Variants in PDE4D observed in about 807,000 individuals in gnomAD.
PDE4D encodes phosphodiesterase 4D.
In PDE4D, 24 loss-of-function variants were observed where a neutral mutation model predicts 87.4. The ratio of observed to expected loss-of-function variants is 0.27; its 90% CI spans 0.20 to 0.39. The LOEUF is 0.39. PDE4D is among the 10% of genes least tolerant of loss of function. The probability of loss-of-function intolerance (pLI) is 1.00; values close to 1 mark genes in which losing one functional copy is unlikely to be tolerated. For missense variants in PDE4D, 714 were observed against 1,041.0 expected, an observed-to-expected ratio of 0.69 and a Z score of 4.32; for synonymous variants, 384 against 383.2, an observed-to-expected ratio of 1.00 and a Z score of -0.02.
Position 59,545,559 on chromosome 5 carries a change from GA to G in PDE4D, c.456-329592del, listed in dbSNP as rs201274235. On this transcript the variant is annotated intron_variant, in intron 1 of 14. Coordinates refer to ENST00000340635, the MANE Select transcript of PDE4D (RefSeq NM_001104631.2). Reference sequence around the variant, plus strand: ...TGGATAAAAGTCAGCTTCAACAGAAGAAAAAAGAGTTTGTATTAAATATGAA... The same window carrying G: ...TGGATAAAAGTCAGCTTCAACAGAAGAAAAAGAGTTTGTATTAAATATGAA... Among the ~76,000 whole-genome samples, 66 of 152,142 alleles carry G rather than the reference GA, an allele frequency of 4.3e-4. 1 individual carries two copies. In the East Asian group the frequency reaches 0.012, roughly 28 times the overall value.
At chr5:59,381,437 ATT>A (rs1221843600) in intron 1 of PDE4D, among the ~76,000 whole-genome samples, 1 of 151,942 alleles carries the variant, frequency 6.6e-6, no homozygotes, top group East Asian at 1.9e-4. Flanking sequence ...ATTCCTCTTT[ATT>A]TTTATATAAT....
rs1790272935 is a variant in PDE4D, at chr5:59,399,988, A to G, written c.456-184020T>C. ...CCAAAAAACACATGAAAAAATGCTC[A>G]CCATCACTGGCCATCAGAGAAACGC... On this transcript the variant is annotated intron_variant, in intron 1 of 14. Transcript: ENST00000340635. 1.7e-5 allele frequency among the ~76,000 whole-genome samples: 2 copies of G among 116,904 alleles called. 1 individual carries two copies. The highest frequency in any genetic ancestry group is 6.0e-4 in the South Asian group (2 of 3,324). The allele number at this position is 116,904 out of a possible 152,430, so 76.7% of individuals were successfully genotyped here.
chr5:58,999,354 C>A, intron 6 of PDE4D: 2 of 358,118 alleles, frequency 5.6e-6, no homozygotes, highest in Non-Finnish European at 9.9e-6. Context: ...CCACTATTAA[C>A]ACGTATTTCT....
At chr5:59,720,243 C>T (rs963994540) in intron 1 of PDE4D, among the ~76,000 whole-genome samples, 1 of 152,044 alleles carries the variant, frequency 6.6e-6, no homozygotes, top group Non-Finnish European at 1.5e-5. Flanking sequence ...CCCGCTGCAG[C>T]CTTAAAATGC....
intron 1 of PDE4D, among the ~76,000 whole-genome samples, chr5:59,603,075 A>G (rs1167581082): frequency 6.6e-6 from 1 of 151,818 alleles, no homozygotes; most frequent in East Asian, 1.9e-4. Context: ...ATAGGGGAAA[A>G]GCTATATGAC....
chr5:59,413,911 T>G (rs1439340632), intron 1 of PDE4D, among the ~76,000 whole-genome samples: 1 of 152,212 alleles, frequency 6.6e-6, no homozygotes, highest in African/African-American at 2.4e-5. Flanking sequence ...CAAATACATG[T>G]GCACACACAC....
intron 3 of PDE4D, among the ~76,000 whole-genome samples, chr5:59,935,567 C>G (rs1330961543): frequency 6.6e-6 from 1 of 152,006 alleles, no homozygotes; most frequent in African/African-American, 2.4e-5. Context: ...AATTTATTTT[C>G]CCTTTGTATT....
At chr5:59,240,878 T>A (rs528164817) in intron 1 of PDE4D, among the ~76,000 whole-genome samples, 1 of 152,136 alleles carries the variant, frequency 6.6e-6, no homozygotes, top group African/African-American at 2.4e-5. Flanking sequence ...TGGAGTTAGA[T>A]AACCTGGCCT....
chr5:59,494,645 A>G (rs1806821621), intron 1 of PDE4D, among the ~76,000 whole-genome samples: 1 of 152,218 alleles, frequency 6.6e-6, no homozygotes, highest in South Asian at 2.1e-4. Flanking sequence ...AAGAAATGTT[A>G]CTAAGGTTGC....
intron 3 of PDE4D, 88 bp from the exon 4 acceptor site, chr5:59,185,350 T>C (rs1359273828): frequency 1.1e-6 from 1 of 903,750 alleles, no homozygotes; most frequent in Admixed American, 2.4e-5. Flanking sequence ...AAACTTGATA[T>C]TGCTTGCAAC....
At chr5:60,019,301 G>A (rs1765810769) in intron 2 of PDE4D, among the ~76,000 whole-genome samples, 1 of 152,162 alleles carries the variant, frequency 6.6e-6, no homozygotes, top group African/African-American at 2.4e-5. Context: ...ATTCTTAAGA[G>A]CCCTAGGATT....
At chr5:59,120,636 TA>T (rs1774331450) in intron 5 of PDE4D, among the ~76,000 whole-genome samples, 1 of 151,876 alleles carries the variant, frequency 6.6e-6, no homozygotes, top group Non-Finnish European at 1.5e-5. Context: ...ATGCAATCCC[TA>T]TCAAAACCAA....
At chr5:60,288,431 C>T (rs1274846389) in intron 1 of PDE4D, among the ~76,000 whole-genome samples, 2 of 152,160 alleles carry the variant, frequency 1.3e-5, no homozygotes, top group Non-Finnish European at 2.9e-5. Context: ...AGTTTGACAT[C>T]TTTTCATTTG....
In PDE4D at chr5:58,976,485, A is replaced by C. The variant is rs1215677831; in HGVS notation, c.1708-13T>G. ...CTGTTGCAAGTACCTTAAAATATAG[A>C]GTATATTATTAAGTTCAGAGAAAAC... is the stretch of plus-strand genomic sequence containing the variant. On this transcript the variant is annotated splice_polypyrimidine_tract_variant and intron_variant, in intron 12 of 14. Coordinates refer to ENST00000340635, the MANE Select transcript of PDE4D (RefSeq NM_001104631.2). 2 of 1,531,100 alleles carry C rather than the reference A, an allele frequency of 1.3e-6. No homozygotes were observed. The highest frequency in any genetic ancestry group is 1.8e-6 in the Non-Finnish European group (2 of 1,127,820). The allele number at this position is 1,531,100 out of a possible 1,614,324, so 94.8% of individuals were successfully genotyped here.
intron 1 of PDE4D, among the ~76,000 whole-genome samples, chr5:59,721,334 G>T (rs1755801398): frequency 1.3e-5 from 2 of 152,162 alleles, no homozygotes; most frequent in African/African-American, 2.4e-5. Context: ...GCCTGATGCA[G>T]GCATAAGAAC....
At chr5:60,340,517 A>G (rs1025391559) in intron 1 of PDE4D, among the ~76,000 whole-genome samples, 3 of 151,958 alleles carry the variant, frequency 2.0e-5, no homozygotes, top group African/African-American at 4.8e-5. Context: ...CCAAGAAATC[A>G]TAATAGCCTT....
At chr5:60,316,669 C>G (rs1755634224) in intron 1 of PDE4D, among the ~76,000 whole-genome samples, 2 of 152,054 alleles carry the variant, frequency 1.3e-5, no homozygotes, top group Admixed American at 1.3e-4. Flanking sequence ...CCCATCAATA[C>G]CTAATTTATT....
chr5:59,698,195 T>C (rs1286979045), intron 1 of PDE4D, among the ~76,000 whole-genome samples: 1 of 152,102 alleles, frequency 6.6e-6, no homozygotes, highest in Non-Finnish European at 1.5e-5. Context: ...CCACAGGATA[T>C]TAAGCAGAGG....
chr5:59,868,993 T>C lies in PDE4D; in HGVS notation c.455+24175A>G, dbSNP rs558746536. Reference sequence around the variant, plus strand: ...AGGGGCTAACAAAAGTTGTAATTAATGTAGTAAATAACAGTAGTTTATCCT... The same window carrying C: ...AGGGGCTAACAAAAGTTGTAATTAACGTAGTAAATAACAGTAGTTTATCCT... On this transcript the variant is annotated intron_variant, in intron 1 of 14. Transcript: ENST00000340635. Among the ~76,000 whole-genome samples the C allele has an allele frequency of 4.6e-5, 7 of 152,348 alleles. No individual in the cohort carries two copies. The South Asian group carries it at 1.4e-3, about 32-fold the overall frequency.
Sources: gnomAD v4.1 joint callset for allele counts (sites outside exome capture counted in the v4.1 genomes callset) on GRCh38, gnomAD v4.1.1 for gene constraint, MANE v1.5 for transcripts, NCBI Gene and HGNC (gene_info 2026-07-23, HGNC 2026-07-21) for gene names.